CEP250: variants seen among roughly 807,000 people sequenced by gnomAD.
CEP250 encodes centrosomal protein 250.
Under a neutral mutation model 315.7 loss-of-function variants are expected in CEP250, and 242 were observed. That is an observed-to-expected ratio of 0.77 (90% CI 0.69 to 0.85). The LOEUF is 0.85. CEP250 is among the 40% of genes least tolerant of loss of function. CEP250 has a pLI of 0.00. For synonymous variants in CEP250, 1,088 were observed against 1,175.0 expected (o/e 0.93, Z 1.51); for missense variants, 2,515 against 2,886.4 (o/e 0.87, Z 2.95).
intron 8 of CEP250, 86 bp downstream of exon 8, chr20:35,467,158 TGTGGGG>T: frequency 4.7e-6 from 1 of 212,742 alleles, no homozygotes; most frequent in Non-Finnish European, 8.1e-6. Flanking sequence ...CGGGATCAGC[TGTGGGG>T]GTGGGGTGGG....
chr20:35,494,398 G>A (rs1490682870), intron 23 of CEP250, 126 bp from the exon 24 acceptor site: 3 of 1,247,074 alleles, frequency 2.4e-6, no homozygotes, highest in Non-Finnish European at 2.3e-6. Context: ...TGGTAGAATC[G>A]CCAGAGCATT....
intron 15 of CEP250, 188 bp from the exon 16 acceptor site, chr20:35,476,261 T>G: frequency 1.9e-6 from 1 of 534,116 alleles, no homozygotes; most frequent in Non-Finnish European, 3.4e-6. Context: ...CTTTGGTATC[T>G]CTATACTGTG....
chr20:35,479,980 A>G lies in CEP250; in HGVS notation c.2421A>G (p.Glu807=), dbSNP rs751949013. Residue 807 remains glutamate (E), a synonymous_variant, in exon 20 of 35, where the codon GAA becomes GAG. Transcript: ENST00000397527. ...VTQAKEVIQG[E]VRCLKLELDT... is the part of the protein sequence containing the mutation. ...ATCCTGTCCCTGGCATGTTAGGGGA[A>G]GTGAGGTGCCTGAAGCTGGAACTGG... The G allele has an allele frequency of 2.5e-6, 4 of 1,613,516 alleles. No homozygotes were observed. Among genetic ancestry groups the G allele is most frequent in the Admixed American group, 1.7e-5 (1 of 59,976 alleles).
chr20:35,464,511 C>G (rs2062828289), intron 5 of CEP250, among the ~76,000 whole-genome samples: 1 of 152,198 alleles, frequency 6.6e-6, no homozygotes, highest in East Asian at 1.9e-4. Flanking sequence ...CAGGGTCTCT[C>G]TATGTTGCCC....
rs750943379 is a variant in CEP250 at position 35,493,452 on chromosome 20, C to G, written c.2913C>G (p.Thr971=). The change falls in exon 23 of 35, where the codon ACC becomes ACG. Residue 971 remains threonine, a synonymous_variant. Coordinates refer to ENST00000397527, the MANE Select transcript of CEP250 (RefSeq NM_007186.6). ...KEQETTGILQ[T]QLQEAQRELK... is the part of the protein sequence containing the mutation. ...AGGAGACCACTGGGATACTACAGAC[C>G]CAGCTCCAGGAGGCTCAACGGGAGC... The G allele has an allele frequency of 6.2e-7, 1 of 1,607,124 alleles. No individual in the cohort carries two copies. Among genetic ancestry groups the G allele is most frequent in the African/African-American group, 1.3e-5 (1 of 74,520 alleles).
At chr20:35,456,930 C>T (rs1372935892) in intron 1 of CEP250, among the ~76,000 whole-genome samples, 6 of 151,896 alleles carry the variant, frequency 4.0e-5, no homozygotes, top group Admixed American at 3.3e-4. Context: ...TACAGGCGCC[C>T]GCCACCGTGC....
Position 35,472,113 on chromosome 20 carries a change from A to G in CEP250, c.1012A>G (p.Lys338Glu). 6.2e-7 allele frequency: 1 copy of G among 1,613,330 alleles called. No homozygotes were observed. Among genetic ancestry groups the G allele is most frequent in the Non-Finnish European group, 8.5e-7 (1 of 1,179,308 alleles). Residue 338 changes from lysine (K) to glutamate (E), a missense_variant, in exon 11 of 35, where the codon AAG (lysine) becomes GAG (glutamate). Coordinates refer to ENST00000397527, the MANE Select transcript of CEP250 (RefSeq NM_007186.6). The part of the protein sequence containing the change: ...ASLSRNAQEE[K>E]LSLQQVIKDI... ...TCTTAGTAGGAATGCGCAAGAGGAG[A>G]AGTTGTCTTTACAGCAGGTGATCAA...
rs747287126 is a variant in CEP250 at position 35,503,893 on chromosome 20, G to A, written c.5524G>A (p.Ala1842Thr). Residue 1842 changes from alanine to threonine, a missense_variant, in exon 30 of 35, where the codon GCC becomes ACC. Transcript: ENST00000397527. This position sits in a 1 kb window ranked among gnomAD's most constrained non-coding sequence, Gnocchi z 4.2. Reference sequence around the variant, plus strand: ...GGAGAGGGTGAAGGAAAAGGCAGACGCCCTCCAGGGAGCTCTGGAGCAAGC... The same window carrying A: ...GGAGAGGGTGAAGGAAAAGGCAGACACCCTCCAGGGAGCTCTGGAGCAAGC... ...QEERVKEKADALQGALEQAHM... is the reference protein window; with the variant it reads ...QEERVKEKADTLQGALEQAHM... 1.4e-5 allele frequency: 22 copies of A among 1,613,778 alleles called. No homozygotes were observed. The highest frequency in any genetic ancestry group is 8.3e-5 in the Admixed American group (5 of 59,962).
At chr20:35,480,192 C>A (rs754952311) in intron 20 of CEP250, 47 bp downstream of exon 20, 1 of 1,540,306 alleles carries the variant, frequency 6.5e-7, no homozygotes, top group East Asian at 2.4e-5. Flanking sequence ...CATGAGTGCT[C>A]TACCTGCTGC....
chr20:35,477,713 A>G (rs2063212607), intron 16 of CEP250, 158 bp from the exon 17 acceptor site: 2 of 645,842 alleles, frequency 3.1e-6, no homozygotes, highest in Non-Finnish European at 5.4e-6. Flanking sequence ...TATAGGCACT[A>G]GATCAAATGA....
intron 32 of CEP250, 124 bp downstream of exon 32, chr20:35,508,314 TTTG>T: frequency 9.2e-7 from 1 of 1,089,840 alleles, no homozygotes; most frequent in African/African-American, 1.6e-5. Flanking sequence ...GAAAATTAAG[TTTG>T]TTTTTTTTTT....
intron 20 of CEP250, among the ~76,000 whole-genome samples, chr20:35,490,184 G>A (rs2063645419): frequency 6.6e-6 from 1 of 152,020 alleles, no homozygotes; most frequent in Admixed American, 6.6e-5. Context: ...ATGGTGGGGG[G>A]CACCTGTAGT....
chr20:35,511,169 G>C (rs138257448), intron 34 of CEP250, among the ~76,000 whole-genome samples, 194 bp from the exon 35 acceptor site: 1 of 152,268 alleles, frequency 6.6e-6, no homozygotes, highest in Non-Finnish European at 1.5e-5. Context: ...CCAGGATTGA[G>C]AATCACTGGA....
intron 9 of CEP250, among the ~76,000 whole-genome samples, chr20:35,469,372 A>G (rs1445250691): frequency 6.6e-6 from 1 of 152,242 alleles, no homozygotes; most frequent in Non-Finnish European, 1.5e-5. Flanking sequence ...CACTCACATA[A>G]TAGCAAGCAG....
chr20:35,484,405 G>A (rs2063446491), intron 20 of CEP250, among the ~76,000 whole-genome samples: 1 of 152,076 alleles, frequency 6.6e-6, no homozygotes. Flanking sequence ...TCAGCTTGTG[G>A]TTATGAATTT....
Position 35,508,162 on chromosome 20 carries a change from A to G in CEP250, c.6878A>G (p.Asn2293Ser), listed in dbSNP as rs769001536. The G allele has an allele frequency of 3.7e-5, 59 of 1,613,864 alleles. No homozygotes were observed. The highest frequency in any genetic ancestry group is 4.8e-5 in the Non-Finnish European group (57 of 1,179,978). Residue 2293 changes from asparagine to serine, a missense_variant, in exon 32 of 35, where the codon AAT becomes AGT. Transcript: ENST00000397527. The stretch of plus-strand genomic sequence containing the variant: ...GACAGGAGCAGGCTGCAGCGCCACA[A>G]TGTCCAGCTGCGGAGTACCTTGGAG... Reference protein sequence around the residue: ...EIDRSRLQRHNVQLRSTLEQV... With the variant: ...EIDRSRLQRHSVQLRSTLEQV...
intron 20 of CEP250, among the ~76,000 whole-genome samples, chr20:35,487,633 T>G (rs1396571474): frequency 6.6e-6 from 1 of 151,302 alleles, no homozygotes; most frequent in Non-Finnish European, 1.5e-5. Flanking sequence ...GGTGAATAAA[T>G]GCATGGAGAA....
rs1568761551 is a variant in CEP250, at chr20:35,467,343, AG to A, written c.642del (p.Ser215LeufsTer3). The A allele has an allele frequency of 1.2e-6, 2 of 1,614,098 alleles. No individual in the cohort carries two copies. The highest frequency in any genetic ancestry group is 3.3e-4 in the Middle Eastern group (2 of 6,060). The stretch of plus-strand genomic sequence containing the variant: ...TAAAAGCTGAGCATGTGAGGCTTTC[AG>A]GGTCTCTGTTGACCTGTTGTCTGCG... The part of the protein sequence containing the change: ...ELKAEHVRLS[G>X]SLLTCCLRLT... On this transcript the variant is annotated frameshift_variant, in exon 9 of 35. Transcript: ENST00000397527. LOFTEE classifies it high-confidence loss of function.
Position 35,493,471 on chromosome 20 carries a change from C to T in CEP250, c.2932C>T (p.Arg978Trp), listed in dbSNP as rs376499964. ...ILQTQLQEAQ[R>W]ELKEAARQHR... ...ACAGACCCAGCTCCAGGAGGCTCAA[C>T]GGGAGCTGAAGGAGGCAGCCCGGCA... Residue 978 changes from arginine to tryptophan, a missense_variant, in exon 23 of 35, where the codon CGG becomes TGG. Transcript: ENST00000397527. 101 of 1,609,772 alleles carry T rather than the reference C, an allele frequency of 6.3e-5. No homozygotes were observed. The highest frequency in any genetic ancestry group is 7.6e-5 in the Non-Finnish European group (89 of 1,178,222).
Sources: gnomAD v4.1 joint callset for allele counts (sites outside exome capture counted in the v4.1 genomes callset) on GRCh38, gnomAD v4.1.1 for gene constraint, Gnocchi (gnomAD v3.1) non-coding constraint, MANE v1.5 for transcripts, NCBI Gene and HGNC (gene_info 2026-07-23, HGNC 2026-07-21) for gene names.